Variants in RALGPS2 observed in about 807,000 individuals in gnomAD.
RALGPS2 encodes ras-specific guanine nucleotide-releasing factor RalGPS2.
A neutral mutation model predicts 86.8 loss-of-function variants in RALGPS2; 43 were observed. The observed-to-expected ratio is 0.50, with a 90% confidence interval of 0.39 to 0.64. RALGPS2 has a LOEUF of 0.64. Among genes scored for constraint, RALGPS2 ranks in the 30% least tolerant of loss-of-function variants. The probability of loss-of-function intolerance (pLI) is 0.00; values close to 1 mark genes in which losing one functional copy is unlikely to be tolerated. For synonymous variants in RALGPS2, 243 were observed against 231.3 expected, an observed-to-expected ratio of 1.05 and a Z score of -0.46; for missense variants, 536 against 694.6, an observed-to-expected ratio of 0.77 and a Z score of 2.57.
intron 4 of RALGPS2, 33 bp downstream of exon 4, chr1:178,785,640 T>C (rs981702421): frequency 1.4e-5 from 21 of 1,540,426 alleles, no homozygotes; most frequent in Admixed American, 4.3e-5. Flanking sequence ...CTTTTAAATA[T>C]AGAAAACGAT....
intron 8 of RALGPS2, among the ~76,000 whole-genome samples, chr1:178,857,334 C>T (rs1443125883): frequency 2.6e-5 from 4 of 152,074 alleles, no homozygotes; most frequent in Non-Finnish European, 4.4e-5. Flanking sequence ...CCCAGAATTC[C>T]CTTAGTTCTG....
intron 13 of RALGPS2, among the ~76,000 whole-genome samples, chr1:178,887,454 C>CA (rs1558171890): frequency 1.3e-5 from 2 of 151,662 alleles, no homozygotes; most frequent in African/African-American, 4.8e-5. Flanking sequence ...GATTCTGTCT[C>CA]AAAAAAAGAA....
chr1:178,882,350 A>G (rs775156740), intron 10 of RALGPS2, among the ~76,000 whole-genome samples: 4 of 152,212 alleles, frequency 2.6e-5, no homozygotes, highest in Non-Finnish European at 4.4e-5. Context: ...ATTATATTCC[A>G]GTTCTGAGCA....
chr1:178,757,478 T>A (rs1652014161), intron 1 of RALGPS2, among the ~76,000 whole-genome samples: 1 of 152,176 alleles, frequency 6.6e-6, no homozygotes, highest in Non-Finnish European at 1.5e-5. Flanking sequence ...GATGCCTAGT[T>A]TTTTTGAGGG....
chr1:178,910,797 T>A (rs895262221), intron 19 of RALGPS2, among the ~76,000 whole-genome samples: 6 of 152,142 alleles, frequency 3.9e-5, no homozygotes, highest in Admixed American at 2.6e-4. Context: ...GGAGGAGTCT[T>A]TTCTTTCTCG....
At chr1:178,802,453 A>G (rs1227142598) in intron 4 of RALGPS2, among the ~76,000 whole-genome samples, 2 of 152,140 alleles carry the variant, frequency 1.3e-5, no homozygotes, top group African/African-American at 4.8e-5. Context: ...GTGTTATTCA[A>G]GGTTTAGGAT....
At chr1:178,906,629 T>C in intron 18 of RALGPS2, 147 bp from the exon 19 acceptor site, 2 of 610,306 alleles carry the variant, frequency 3.3e-6, no homozygotes, top group South Asian at 1.8e-5. Flanking sequence ...ACAATAAAAA[T>C]AGGAAATACA....
intron 10 of RALGPS2, among the ~76,000 whole-genome samples, chr1:178,882,956 T>G (rs373226306): frequency 6.6e-6 from 1 of 152,208 alleles, no homozygotes; most frequent in African/African-American, 2.4e-5. Context: ...ATAATACATA[T>G]GAAAGTTTCT....
rs1217507760 is a variant in RALGPS2 at position 178,901,504 on chromosome 1, A to G, written c.1525-602A>G. ...AACTGCCCTTTCTCAGAATTAAGAA[A>G]AGAAGTTGTAGCTAAAATAATAATA... is the stretch of plus-strand genomic sequence containing the variant. On this transcript the variant is annotated intron_variant, in intron 17 of 19. Transcript: ENST00000367635. 2.0e-5 allele frequency among the ~76,000 whole-genome samples: 3 copies of G among 152,066 alleles called. No homozygotes were observed. The East Asian group carries it at 5.8e-4, about 29-fold the overall frequency.
chr1:178,801,761 A>G (rs1052654204), intron 4 of RALGPS2, among the ~76,000 whole-genome samples: 3 of 147,826 alleles, frequency 2.0e-5, no homozygotes, highest in Admixed American at 6.7e-5. Flanking sequence ...GGAGAAATTC[A>G]AGAGCTAATA....
rs1660895443 is a variant in RALGPS2 at position 178,918,943 on chromosome 1, T to A, written c.*2584T>A. On this transcript the variant is annotated 3_prime_UTR_variant, in exon 20 of 20. Transcript: ENST00000367635. ...GTGACTCAAAAACTCAAAATGTTCA[T>A]CAGCATTCAGGTCATTTGTTTCACC... 1 of 152,104 alleles carries A rather than the reference T, an allele frequency of 6.6e-6. No individual in the cohort carries two copies. Among genetic ancestry groups the A allele is most frequent in the Non-Finnish European group, 1.5e-5 (1 of 67,936 alleles). The allele number at this position is 152,104 out of a possible 1,614,324, so 9.4% of individuals were successfully genotyped here. A position where few individuals can be genotyped will look rare whatever the true frequency, so the allele number is the denominator to read the frequency against.
intron 8 of RALGPS2, chr1:178,851,053 A>G (rs1306387213): frequency 1.5e-6 from 2 of 1,374,880 alleles, no homozygotes; most frequent in Non-Finnish European, 2.0e-6. Flanking sequence ...GCCAAGTAAT[A>G]TACATGTAAC....
intron 4 of RALGPS2, among the ~76,000 whole-genome samples, chr1:178,789,696 A>T (rs1460662309): frequency 6.6e-6 from 1 of 152,152 alleles, no homozygotes; most frequent in Non-Finnish European, 1.5e-5. Context: ...GGTGGTATTT[A>T]AAAGTGTGGG....
At chr1:178,756,961 A>T (rs1023767323) in intron 1 of RALGPS2, among the ~76,000 whole-genome samples, 1 of 151,986 alleles carries the variant, frequency 6.6e-6, no homozygotes, top group Non-Finnish European at 1.5e-5. Flanking sequence ...ATCATATGTG[A>T]TTTCTTTCAG....
chr1:178,790,894 A>G (rs1653920818), intron 4 of RALGPS2, among the ~76,000 whole-genome samples: 3 of 152,216 alleles, frequency 2.0e-5, no homozygotes, highest in African/African-American at 4.8e-5. Context: ...TATAGTATAC[A>G]TTAGAATATT....
At chr1:178,896,864 T>C (rs1241600882) in intron 16 of RALGPS2, among the ~76,000 whole-genome samples, 2 of 150,458 alleles carry the variant, frequency 1.3e-5, no homozygotes, top group Non-Finnish European at 2.9e-5. Flanking sequence ...TCTATCATTG[T>C]TGGACATTTG....
Position 178,790,145 on chromosome 1 carries a change from T to C in RALGPS2, c.213+4538T>C, listed in dbSNP as rs1653882107. Among the ~76,000 whole-genome samples the C allele has an allele frequency of 2.6e-5, 4 of 152,064 alleles. No homozygotes were observed. The South Asian group carries it at 8.3e-4, about 32-fold the overall frequency. ...TTATTTTATTTTTTTAGAGACAGGG[T>C]CTCGTTGTGCTGTCCAGGCTGGTCT... On this transcript the variant is annotated intron_variant, in intron 4 of 19. Transcript: ENST00000367635.
intron 1 of RALGPS2, among the ~76,000 whole-genome samples, chr1:178,744,834 AAAAG>A (rs1253326742): frequency 3.3e-5 from 5 of 151,640 alleles, no homozygotes; most frequent in Non-Finnish European, 7.4e-5. Context: ...AAAAAAAAAA[AAAAG>A]AAAGGAAAAG....
chr1:178,774,805 C>T (rs924747268), intron 1 of RALGPS2, among the ~76,000 whole-genome samples: 1 of 152,166 alleles, frequency 6.6e-6, no homozygotes, highest in African/African-American at 2.4e-5. Context: ...CTGCTCTTAG[C>T]AGGTACCTAG....
Sources: gnomAD v4.1 joint callset for allele counts (sites outside exome capture counted in the v4.1 genomes callset) on GRCh38, gnomAD v4.1.1 for gene constraint, MANE v1.5 for transcripts, NCBI Gene and HGNC (gene_info 2026-07-23, HGNC 2026-07-21) for gene names.